The following TGFBR3L variants were observed in gnomAD, a reference collection of about 807,000 sequenced individuals.
TGFBR3L encodes the protein transforming growth factor-beta receptor type 3-like protein.
TGFBR3L carries 21 observed loss-of-function variants against 20.4 expected under a neutral mutation model. The observed-to-expected ratio is 1.03, with a 90% CI of 0.73 to 1.48. TGFBR3L has a LOEUF of 1.48. TGFBR3L is among the 40% of genes most tolerant of loss of function. The probability of loss-of-function intolerance (pLI) is 0.00; values close to 1 mark genes in which losing one functional copy is unlikely to be tolerated. For missense variants in TGFBR3L, 479 were observed against 498.0 expected (o/e 0.96, Z 0.36); for synonymous variants, 245 against 244.2 (o/e 1.00, Z -0.03).
In TGFBR3L at chr19:7,918,040, T is replaced by C; in HGVS notation, c.884-17T>C. 1 of 1,531,906 alleles carries C rather than the reference T, an allele frequency of 6.5e-7. No individual in the cohort carries two copies. Among genetic ancestry groups the C allele is most frequent in the Non-Finnish European group, 8.7e-7 (1 of 1,144,382 alleles). The allele number at this position is 1,531,906 out of a possible 1,614,324, so 94.9% of individuals were successfully genotyped here. A position where few individuals can be genotyped will look rare whatever the true frequency, so the allele number is the denominator to read the frequency against. On this transcript the variant is annotated splice_polypyrimidine_tract_variant and intron_variant, in intron 4 of 5. Coordinates refer to ENST00000565886, the MANE Select transcript of TGFBR3L (RefSeq NM_001195259.2). ...TGGCGCGCAGCAGCCCTTCTGCAGC[T>C]CGCCTCTCCCTTCCAGCGCCCCACG...
In TGFBR3L at chr19:7,916,192, T is replaced by C. The variant is rs1983277608; in HGVS notation, c.-76T>C. The C allele has an allele frequency of 8.1e-6, 12 of 1,487,904 alleles. No homozygotes were observed. The South Asian group carries it at 1.5e-4, about 18-fold the overall frequency. 92.2% of individuals were successfully genotyped at this position (1,487,904 alleles called of 1,614,324 possible). ...GCGCATGGCTCTGCAACCGGCTCAG[T>C]TGCTGGGCTGTGCGAGTCCCAGGGG... On this transcript the variant is annotated 5_prime_UTR_variant, in exon 1 of 6. Transcript: ENST00000565886.
rs978247280 is a variant in TGFBR3L at position 7,917,544 on chromosome 19, C to A, written c.669C>A (p.Pro223=). The stretch of plus-strand genomic sequence containing the variant: ...CCGAGGGCCTGGCTGCTGACGGCCC[C>A]CACCTGCACACGCTGACGCAGCCTA... The change falls in exon 3 of 6, where the codon CCC becomes CCA. Residue 223 remains proline, a synonymous_variant. Coordinates refer to ENST00000565886, the MANE Select transcript of TGFBR3L (RefSeq NM_001195259.2). 6.6e-7 allele frequency: 1 copy of A among 1,521,110 alleles called. No individual in the cohort carries two copies. Among genetic ancestry groups the A allele is most frequent in the African/African-American group, 1.4e-5 (1 of 71,580 alleles). 94.2% of individuals were successfully genotyped at this position (1,521,110 alleles called of 1,614,324 possible). A position where few individuals can be genotyped will look rare whatever the true frequency, so the allele number is the denominator to read the frequency against.
chr19:7,915,957 G>A lies in TGFBR3L; in HGVS notation c.-311G>A, dbSNP rs1341629202. On this transcript the variant is annotated 5_prime_UTR_variant, in exon 1 of 6. Transcript: ENST00000565886. ...TGTGCCCAGGAGAGCCTCTTGGGAGGGTATCCTCTTCACTTCCCTTCCTCG... is the reference window on the plus strand; with the variant it reads ...TGTGCCCAGGAGAGCCTCTTGGGAGAGTATCCTCTTCACTTCCCTTCCTCG... Among the ~76,000 whole-genome samples, 1 of 152,128 alleles carries A rather than the reference G, an allele frequency of 6.6e-6. No homozygotes were observed. Among genetic ancestry groups the A allele is most frequent in the East Asian group, 1.9e-4 (1 of 5,186 alleles).
In TGFBR3L at chr19:7,918,110, A is replaced by C. The variant is rs1983401263; in HGVS notation, c.937A>C (p.Arg313=). 38 of 1,535,114 alleles carry C rather than the reference A, an allele frequency of 2.5e-5. No homozygotes were observed. The highest frequency in any genetic ancestry group is 3.2e-5 in the Non-Finnish European group (37 of 1,146,206). Residue 313 remains arginine (R), a synonymous_variant, in exon 5 of 6, where the codon AGG becomes CGG. Transcript: ENST00000565886. ...AGCCTCGCCCAGCGGTCCCCAGCCC[A>C]GGAGGTCCCAGTGAGGAAGGTAGGT...
Position 7,917,768 on chromosome 19 carries a change from G to A in TGFBR3L, c.792G>A (p.Leu264=), listed in dbSNP as rs774131094. 6.9e-6 allele frequency: 10 copies of A among 1,442,384 alleles called. No individual in the cohort carries two copies. Among genetic ancestry groups the A allele is most frequent in the Non-Finnish European group, 9.0e-6 (10 of 1,105,764 alleles). 89.3% of individuals were successfully genotyped at this position (1,442,384 alleles called of 1,614,324 possible). A position where few individuals can be genotyped will look rare whatever the true frequency, so the allele number is the denominator to read the frequency against. ...CTCCCGCGCCGGCCCCCGCGGCCCT[G>A]GAACCCGCGCCGGTGGTGGCGCTGG... Residue 264 remains leucine, a synonymous_variant, in exon 4 of 6, where the codon CTG becomes CTA. Transcript: ENST00000565886.
chr19:7,917,650 G>T, intron 3 of TGFBR3L, 51 bp downstream of exon 4: 1 of 1,428,108 alleles, frequency 7.0e-7, no homozygotes, highest in Non-Finnish European at 9.1e-7. Flanking sequence ...CAGAGCGGGT[G>T]GGAAGGACGC....
intron 4 of TGFBR3L, 58 bp downstream of exon 5, chr19:7,917,917 G>C: frequency 1.4e-6 from 2 of 1,381,562 alleles, no homozygotes; most frequent in South Asian, 1.7e-5. Context: ...TCGGGACCCG[G>C]GGCGGCCGCG....
At position 7,917,735 on chromosome 19, in the gene TGFBR3L, C is replaced by T. The variant is rs1276411048; in HGVS notation, c.759C>T (p.Arg253=). ...AGAGTGTCCCCGGCCGTGCAGTGCG[C>T]CCTGAGCCTCCCGCGCCGGCCCCCG... Residue 253 remains arginine, a synonymous_variant, in exon 4 of 6, where the codon CGC becomes CGT. Coordinates refer to ENST00000565886, the MANE Select transcript of TGFBR3L (RefSeq NM_001195259.2). 4.2e-6 allele frequency: 6 copies of T among 1,426,862 alleles called. No individual in the cohort carries two copies. Among genetic ancestry groups the T allele is most frequent in the African/African-American group, 1.5e-5 (1 of 66,610 alleles). The allele number at this position is 1,426,862 out of a possible 1,614,324, so 88.4% of individuals were successfully genotyped here. A position where few individuals can be genotyped will look rare whatever the true frequency, so the allele number is the denominator to read the frequency against.
chr19:7,916,307 A>AGGC lies in TGFBR3L; in HGVS notation c.49_51dup (p.Arg17dup), dbSNP rs1652270185. 2 of 1,535,322 alleles carry AGGC rather than the reference A, an allele frequency of 1.3e-6. No individual in the cohort carries two copies. The highest frequency in any genetic ancestry group is 1.7e-6 in the Non-Finnish European group (2 of 1,146,708). On this transcript the variant is annotated inframe_insertion, in exon 1 of 6. Transcript: ENST00000565886. The stretch of plus-strand genomic sequence containing the variant: ...CGCCGCAACCGCATCCCTTTTCCAA[A>AGGC]GGCGGCGGCGGGGGCGAGGTGGTCG...
Position 7,918,134 on chromosome 19 carries a change from G to A in TGFBR3L, c.*5+5G>A, listed in dbSNP as rs1486779274. 6.5e-6 allele frequency: 10 copies of A among 1,535,782 alleles called. No homozygotes were observed. The East Asian group carries it at 9.8e-5, about 15-fold the overall frequency. Reference sequence around the variant, plus strand: ...CAGGAGGTCCCAGTGAGGAAGGTAGGTATGGAGGTGGAGGGAGCTGGGTGA... The same window carrying A: ...CAGGAGGTCCCAGTGAGGAAGGTAGATATGGAGGTGGAGGGAGCTGGGTGA... On this transcript the variant is annotated splice_donor_5th_base_variant and intron_variant, in intron 5 of 5. Coordinates refer to ENST00000565886, the MANE Select transcript of TGFBR3L (RefSeq NM_001195259.2).
rs1983453240 is a variant in TGFBR3L at position 7,918,964 on chromosome 19, T to A, written c.*53T>A. ...TCCGGAGATACACCCAGCTACCAATTCGGGACCAGGACCAACAGGACCGGA... is the reference window on the plus strand; with the variant it reads ...TCCGGAGATACACCCAGCTACCAATACGGGACCAGGACCAACAGGACCGGA... On this transcript the variant is annotated 3_prime_UTR_variant, in exon 6 of 6. Transcript: ENST00000565886. 2 of 398,496 alleles carry A rather than the reference T, an allele frequency of 5.0e-6. No homozygotes were observed. The highest frequency in any genetic ancestry group is 8.8e-6 in the Non-Finnish European group (2 of 226,044). The allele number at this position is 398,496 out of a possible 1,614,324, so 24.7% of individuals were successfully genotyped here. A position where few individuals can be genotyped will look rare whatever the true frequency, so the allele number is the denominator to read the frequency against.
Position 7,915,016 on chromosome 19 carries a change from G to T in TGFBR3L, c.-1252G>T, listed in dbSNP as rs1036336368. Among the ~76,000 whole-genome samples, 4 of 151,946 alleles carry T rather than the reference G, an allele frequency of 2.6e-5. No individual in the cohort carries two copies. Among genetic ancestry groups the T allele is most frequent in the African/African-American group, 9.7e-5 (4 of 41,350 alleles). On this transcript the variant is annotated 5_prime_UTR_variant, in exon 1 of 6. Coordinates refer to ENST00000565886, the MANE Select transcript of TGFBR3L (RefSeq NM_001195259.2). Reference sequence around the variant, plus strand: ...TTGAGATGGAGTCTTGCTCTGCCACGCAGGCTGGAGTGCAGTGGCGCAATC... The same window carrying T: ...TTGAGATGGAGTCTTGCTCTGCCACTCAGGCTGGAGTGCAGTGGCGCAATC...
chr19:7,916,026 T>C lies in TGFBR3L; in HGVS notation c.-242T>C, dbSNP rs1272356780. 3.0e-6 allele frequency: 2 copies of C among 660,602 alleles called. No homozygotes were observed. Among genetic ancestry groups the C allele is most frequent in the Non-Finnish European group, 4.9e-6 (2 of 405,320 alleles). The allele number at this position is 660,602 out of a possible 1,614,324, so 40.9% of individuals were successfully genotyped here. On this transcript the variant is annotated 5_prime_UTR_variant, in exon 1 of 6. Transcript: ENST00000565886. Reference sequence around the variant, plus strand: ...TCCCCTTAGAAAGGGGAGCCGCCTGTCCTGCTGCGTCCCCAAGAGCAGCCC... The same window carrying C: ...TCCCCTTAGAAAGGGGAGCCGCCTGCCCTGCTGCGTCCCCAAGAGCAGCCC...
chr19:7,917,938 C>A (rs1253523733), intron 4 of TGFBR3L, 79 bp downstream of exon 5: 1 of 1,395,066 alleles, frequency 7.2e-7, no homozygotes, highest in East Asian at 2.8e-5. Flanking sequence ...ATCCCGCCTG[C>A]GGGGCCTGAT....
intron 5 of TGFBR3L, among the ~76,000 whole-genome samples, chr19:7,918,373 A>AT (rs1373153226): frequency 6.6e-6 from 1 of 152,134 alleles, no homozygotes; most frequent in Admixed American, 6.5e-5. Context: ...AGTAGCTGGG[A>AT]TTACAGGCAT....
In TGFBR3L at chr19:7,917,722, G is replaced by A; in HGVS notation, c.746G>A (p.Gly249Asp). The change falls in exon 4 of 6, where the codon GGC becomes GAC. Residue 249 changes from glycine to aspartate, a missense_variant. Transcript: ENST00000565886. ...ACAGGGCCGCCCAAGAGTGTCCCCG[G>A]CCGTGCAGTGCGCCCTGAGCCTCCC... 7.0e-7 allele frequency: 1 copy of A among 1,424,434 alleles called. No homozygotes were observed. Among genetic ancestry groups the A allele is most frequent in the Non-Finnish European group, 9.1e-7 (1 of 1,098,136 alleles). The allele number at this position is 1,424,434 out of a possible 1,614,324, so 88.2% of individuals were successfully genotyped here. A position where few individuals can be genotyped will look rare whatever the true frequency, so the allele number is the denominator to read the frequency against.
rs1894813794 is a variant in TGFBR3L, at chr19:7,915,278, T to C, written c.-990T>C. 6.6e-6 allele frequency among the ~76,000 whole-genome samples: 1 copy of C among 151,790 alleles called. No homozygotes were observed. Among genetic ancestry groups the C allele is most frequent in the Non-Finnish European group, 1.5e-5 (1 of 67,934 alleles). On this transcript the variant is annotated 5_prime_UTR_variant, in exon 1 of 6. Coordinates refer to ENST00000565886, the MANE Select transcript of TGFBR3L (RefSeq NM_001195259.2). ...GGTGTGAGCCACCGCGCCCCACCGA[T>C]GTCACTCTCTTTCAACTAGACCTTT...
At chr19:7,917,002 C>A (rs1270267356) in intron 2 of TGFBR3L, 60 bp downstream of exon 3, 2 of 1,255,176 alleles carry the variant, frequency 1.6e-6, no homozygotes, top group African/African-American at 3.1e-5. Context: ...TGGGCACGGG[C>A]GACTCTGGCA....
In TGFBR3L at chr19:7,915,051, C is replaced by T. The variant is rs558160522; in HGVS notation, c.-1217C>T. On this transcript the variant is annotated 5_prime_UTR_variant, in exon 1 of 6. Transcript: ENST00000565886. Reference sequence around the variant, plus strand: ...GTGCAGTGGCGCAATCTCCACTCACCGCAACCTCCGCCTCCCCGGTTCAAG... The same window carrying T: ...GTGCAGTGGCGCAATCTCCACTCACTGCAACCTCCGCCTCCCCGGTTCAAG... 2.2e-4 allele frequency among the ~76,000 whole-genome samples: 34 copies of T among 152,184 alleles called. No homozygotes were observed. The highest frequency in any genetic ancestry group is 6.3e-4 in the African/African-American group (26 of 41,504).
Sources: gnomAD v4.1 joint callset for allele counts (sites outside exome capture counted in the v4.1 genomes callset) on GRCh38, gnomAD v4.1.1 for gene constraint, MANE v1.5 for transcripts, NCBI Gene and HGNC (gene_info 2026-07-23, HGNC 2026-07-21) for gene names.